The following PDSS2 variants were observed in gnomAD, a reference collection of about 807,000 sequenced individuals.
PDSS2 encodes all trans-polyprenyl-diphosphate synthase PDSS2.
A neutral mutation model predicts 44.5 loss-of-function variants in PDSS2; 31 were observed. That is an observed-to-expected ratio of 0.70 (90% CI 0.52 to 0.94). PDSS2 has a LOEUF of 0.94. PDSS2 is among the 40% of genes least tolerant of loss of function. The pLI is 0.00. For synonymous variants in PDSS2, 157 were observed against 180.3 expected (o/e 0.87, Z 1.03); for missense variants, 452 against 482.2 (o/e 0.94, Z 0.59).
intron 1 of PDSS2, among the ~76,000 whole-genome samples, chr6:107,390,449 C>T (rs1477395355): frequency 6.6e-6 from 1 of 151,916 alleles, no homozygotes; most frequent in Non-Finnish European, 1.5e-5. Context: ...CTGTTAAAGT[C>T]ATGAAAAAGA....
At chr6:107,345,473 G>C (rs1385257653) in intron 1 of PDSS2, among the ~76,000 whole-genome samples, 1 of 151,464 alleles carries the variant, frequency 6.6e-6, no homozygotes, top group Admixed American at 6.6e-5. Context: ...TGAACAAGTG[G>C]AAAGAGATAA....
intron 4 of PDSS2, among the ~76,000 whole-genome samples, chr6:107,236,942 CTTT>C (rs541953143): frequency 2.1e-5 from 3 of 143,930 alleles, no homozygotes; most frequent in African/African-American, 2.5e-5. Context: ...ACTGAATTAT[CTTT>C]TTTTTTTTTT....
chr6:107,361,836 A>G (rs1471617731), intron 1 of PDSS2, among the ~76,000 whole-genome samples: 1 of 152,240 alleles, frequency 6.6e-6, no homozygotes. Flanking sequence ...ACTTCAGAGA[A>G]GAACAATATG....
chr6:107,405,321 T>A, intron 1 of PDSS2, among the ~76,000 whole-genome samples: 1 of 151,538 alleles, frequency 6.6e-6, no homozygotes, highest in Non-Finnish European at 1.5e-5. Flanking sequence ...ATACTTGCCA[T>A]CATAAAAACA....
intron 1 of PDSS2, among the ~76,000 whole-genome samples, chr6:107,413,241 A>G (rs926621006): frequency 7.2e-5 from 11 of 152,286 alleles, no homozygotes; most frequent in African/African-American, 2.6e-4. Context: ...CAATTTCCCA[A>G]TTAAGAACAT....
intron 1 of PDSS2, among the ~76,000 whole-genome samples, chr6:107,357,822 T>C (rs1472262910): frequency 1.3e-5 from 2 of 152,206 alleles, no homozygotes; most frequent in South Asian, 2.1e-4. Context: ...TTAAAAGATA[T>C]TTAAAATGCT....
At chr6:107,195,333 T>A (rs1028075377) in intron 6 of PDSS2, among the ~76,000 whole-genome samples, 71 of 151,682 alleles carry the variant, frequency 4.7e-4, no homozygotes, top group South Asian at 4.2e-4. Flanking sequence ...ATAAAAAAAA[T>A]TAGCTGGGTG....
At chr6:107,308,633 C>T (rs1034428780) in intron 2 of PDSS2, among the ~76,000 whole-genome samples, 1 of 152,190 alleles carries the variant, frequency 6.6e-6, no homozygotes, top group African/African-American at 2.4e-5. Context: ...AATGGGAAGA[C>T]TCCAAAGAAG....
At chr6:107,440,051 T>C (rs772850211) in intron 1 of PDSS2, among the ~76,000 whole-genome samples, 2 of 152,070 alleles carry the variant, frequency 1.3e-5, no homozygotes, top group Non-Finnish European at 2.9e-5. Flanking sequence ...ATACATGTGC[T>C]CAACAACAGG....
intron 4 of PDSS2, among the ~76,000 whole-genome samples, chr6:107,237,533 G>A (rs1445026859): frequency 4.6e-5 from 7 of 151,854 alleles, no homozygotes; most frequent in Admixed American, 2.6e-4. Context: ...ATGAGTCACC[G>A]TACCTGGCCC....
chr6:107,333,909 CACA>C (rs1325958603), intron 2 of PDSS2, among the ~76,000 whole-genome samples: 1 of 152,008 alleles, frequency 6.6e-6, no homozygotes, highest in African/African-American at 2.4e-5. Context: ...TCTACAGAGA[CACA>C]ACAATACATA....
At chr6:107,352,475 C>T (rs984738547) in intron 1 of PDSS2, among the ~76,000 whole-genome samples, 3 of 152,140 alleles carry the variant, frequency 2.0e-5, no homozygotes, top group Non-Finnish European at 4.4e-5. Flanking sequence ...CCATTTGTTT[C>T]ATTATGCTGC....
At chr6:107,353,241 A>AT (rs1321641836) in intron 1 of PDSS2, among the ~76,000 whole-genome samples, 4 of 152,200 alleles carry the variant, frequency 2.6e-5, no homozygotes, top group African/African-American at 9.7e-5. Flanking sequence ...TTGTATAAAC[A>AT]ACACATGTGG....
chr6:107,447,654 T>C (rs557904350), intron 1 of PDSS2, among the ~76,000 whole-genome samples: 83 of 152,324 alleles, frequency 5.4e-4, no homozygotes, highest in African/African-American at 1.8e-3. Context: ...ACAGCTGGCA[T>C]TGAGTGTCTG....
intron 1 of PDSS2, among the ~76,000 whole-genome samples, chr6:107,370,723 C>T (rs747286044): frequency 5.7e-4 from 87 of 152,310 alleles, no homozygotes; most frequent in Non-Finnish European, 1.1e-3. Flanking sequence ...CACATAACAA[C>T]TCAAGAATAA....
chr6:107,417,749 G>C (rs1156334213), intron 1 of PDSS2, among the ~76,000 whole-genome samples: 2 of 150,316 alleles, frequency 1.3e-5, no homozygotes, highest in African/African-American at 4.9e-5. Context: ...AAAAGAGTGA[G>C]ACCCTATCTT....
chr6:107,329,648 T>C (rs1411329053), intron 2 of PDSS2, among the ~76,000 whole-genome samples: 3 of 152,164 alleles, frequency 2.0e-5, no homozygotes, highest in African/African-American at 7.2e-5. Context: ...CATTGTGAGG[T>C]ACTAGGGGTT....
intron 2 of PDSS2, among the ~76,000 whole-genome samples, chr6:107,282,874 A>AC (rs1384674654): frequency 2.7e-5 from 4 of 150,650 alleles, no homozygotes; most frequent in African/African-American, 9.7e-5. Flanking sequence ...GTCTCAAAAA[A>AC]AAAAAAAAAA....
intron 1 of PDSS2, among the ~76,000 whole-genome samples, chr6:107,417,207 CAAAT>C (rs1410917721): frequency 6.6e-6 from 1 of 151,982 alleles, no homozygotes; most frequent in African/African-American, 2.4e-5. Context: ...CAAAGATAAA[CAAAT>C]AAATAGAAAC....
Sources: gnomAD v4.1 joint callset for allele counts (sites outside exome capture counted in the v4.1 genomes callset) on GRCh38, gnomAD v4.1.1 for gene constraint, MANE v1.5 for transcripts, NCBI Gene and HGNC (gene_info 2026-07-23, HGNC 2026-07-21) for gene names.